Variants in NTN1 observed in about 807,000 individuals in gnomAD.
NTN1 encodes the protein netrin-1.
In NTN1, 11 loss-of-function variants were observed where a neutral mutation model predicts 54.2. The observed-to-expected ratio is 0.20, with a 90% CI of 0.13 to 0.34. The LOEUF is 0.34. Ranked by LOEUF, NTN1 falls within the 10% of genes least tolerant of loss-of-function variation. NTN1 has a pLI of 1.00. For missense variants in NTN1, 740 were observed against 893.1 expected, an observed-to-expected ratio of 0.83 and a Z score of 2.18; for synonymous variants, 371 against 382.0, an observed-to-expected ratio of 0.97 and a Z score of 0.33.
At chr17:9,144,147 C>T (rs2092306459) in intron 2 of NTN1, among the ~76,000 whole-genome samples, 1 of 152,090 alleles carries the variant, frequency 6.6e-6, no homozygotes, top group East Asian at 1.9e-4. Flanking sequence ...CCACCCATCT[C>T]GGCCTCCTAA....
intron 2 of NTN1, among the ~76,000 whole-genome samples, chr17:9,117,847 G>T (rs934471979): frequency 1.3e-5 from 2 of 151,962 alleles, no homozygotes; most frequent in Admixed American, 6.5e-5. Context: ...GGTGGGTGGA[G>T]GACAGATTCC....
intron 6 of NTN1, among the ~76,000 whole-genome samples, chr17:9,230,085 T>C (rs1905755232): frequency 6.6e-6 from 1 of 152,040 alleles, no homozygotes; most frequent in Non-Finnish European, 1.5e-5. Flanking sequence ...AGCAGCACCC[T>C]CTCTCCTTTT....
chr17:9,142,133 A>G (rs527432293), intron 2 of NTN1, among the ~76,000 whole-genome samples: 4 of 151,842 alleles, frequency 2.6e-5, no homozygotes, highest in East Asian at 3.9e-4. Flanking sequence ...TCTCAAAAAA[A>G]GTAAAATTAG....
At chr17:9,129,393 T>C (rs983801067) in intron 2 of NTN1, among the ~76,000 whole-genome samples, 2 of 151,980 alleles carry the variant, frequency 1.3e-5, no homozygotes, top group Non-Finnish European at 2.9e-5. Context: ...GAATTGTGAG[T>C]CTTCGTCTGG....
the NTN1 span, among the ~76,000 whole-genome samples, chr17:9,013,539 A>C: frequency 6.6e-6 from 1 of 151,900 alleles, no homozygotes; most frequent in African/African-American, 2.4e-5. Flanking sequence ...TATCATCTTC[A>C]CTGATAACCT....
At chr17:9,017,518 T>C (rs900294481), upstream of NTN1, among the ~76,000 whole-genome samples, 1 of 152,182 alleles carries the variant, frequency 6.6e-6, no homozygotes, top group Non-Finnish European at 1.5e-5. Context: ...CCCCTGGTTT[T>C]CCTCCTCCTC....
intron 5 of NTN1, among the ~76,000 whole-genome samples, chr17:9,214,273 T>G (rs1378028224): frequency 6.6e-6 from 1 of 152,246 alleles, no homozygotes; most frequent in Non-Finnish European, 1.5e-5. Flanking sequence ...TTGGGATTAA[T>G]TTAGCATTCT....
intron 2 of NTN1, among the ~76,000 whole-genome samples, chr17:9,079,630 C>T (rs1256198912): frequency 6.6e-6 from 1 of 152,070 alleles, no homozygotes; most frequent in Non-Finnish European, 1.5e-5. Flanking sequence ...AAGTGGTTCC[C>T]CAGCAGGCCT....
At chr17:9,123,313 A>G (rs890162782) in intron 2 of NTN1, among the ~76,000 whole-genome samples, 1 of 152,224 alleles carries the variant, frequency 6.6e-6, no homozygotes, top group East Asian at 1.9e-4. Context: ...TCACAAGTTT[A>G]TATTTTGTGA....
chr17:9,148,724 C>T (rs968033004), intron 2 of NTN1, among the ~76,000 whole-genome samples: 28 of 151,460 alleles, frequency 1.8e-4, no homozygotes, highest in Admixed American at 1.4e-3. Flanking sequence ...GGGGGTCCAG[C>T]GTGCAGATTG....
intron 2 of NTN1, among the ~76,000 whole-genome samples, chr17:9,121,047 G>A (rs1272697366): frequency 6.6e-6 from 1 of 152,154 alleles, no homozygotes; most frequent in South Asian, 2.1e-4. Context: ...GTGGGACCAG[G>A]ATGGAGGGCT....
chr17:9,085,232 A>G (rs8074523), intron 2 of NTN1, among the ~76,000 whole-genome samples: 112,551 of 152,122 alleles, frequency 0.74, 41,886 homozygotes, highest in East Asian at 0.95. Flanking sequence ...TCCAGAGCAG[A>G]ACCCAGCCCC....
chr17:9,073,647 C>T (rs542323967), intron 2 of NTN1, among the ~76,000 whole-genome samples: 31 of 152,336 alleles, frequency 2.0e-4, no homozygotes, highest in African/African-American at 6.7e-4. Context: ...AATGCTCAGC[C>T]TCTGCTTCCT....
chr17:9,092,319 C>CTTTTT (rs148786553), intron 2 of NTN1, among the ~76,000 whole-genome samples: 47 of 91,740 alleles, frequency 5.1e-4, no homozygotes, highest in African/African-American at 7.1e-4. Context: ...CTTTTCTTCT[C>CTTTTT]TTTTTTTTTT....
chr17:9,081,100 G>A (rs1232253460), intron 2 of NTN1, among the ~76,000 whole-genome samples: 1 of 152,162 alleles, frequency 6.6e-6, no homozygotes, highest in African/African-American at 2.4e-5. Context: ...AAGTGCTGGG[G>A]GCAGTCTTAT....
the NTN1 span, among the ~76,000 whole-genome samples, chr17:9,015,568 C>G: frequency 3.3e-5 from 5 of 152,090 alleles, no homozygotes; most frequent in African/African-American, 1.2e-4. Flanking sequence ...CTGGTGCCCC[C>G]GTTCCTGGAG....
chr17:9,232,934 T>G lies in NTN1; in HGVS notation c.1487-6706T>G, dbSNP rs111773771. Among the ~76,000 whole-genome samples, 294 of 152,066 alleles carry G rather than the reference T, an allele frequency of 1.9e-3. 9 individuals are homozygous for G. Among genetic ancestry groups the G allele is most frequent in the African/African-American group, 6.8e-3 (281 of 41,394 alleles). On this transcript the variant is annotated intron_variant, in intron 6 of 6. Coordinates refer to ENST00000173229, the MANE Select transcript of NTN1 (RefSeq NM_004822.3). ...GTGACACGCTTTCCACAGCGGGAGA[T>G]TTATGGGGCTGTGCGGCTTTCATGG...
rs1273319346 is a variant in NTN1 at position 9,242,307 on chromosome 17, C to T, written c.*2339C>T. 4 of 152,322 alleles carry T rather than the reference C, an allele frequency of 2.6e-5. No individual in the cohort carries two copies. Among genetic ancestry groups the T allele is most frequent in the Non-Finnish European group, 5.9e-5 (4 of 68,086 alleles). The allele number at this position is 152,322 out of a possible 1,614,324, so 9.4% of individuals were successfully genotyped here. ...CTGAATCCAGCCCAAGGCTAGAAGA[C>T]AGGGCCCCTCTCCAAGCTGTCAGCG... On this transcript the variant is annotated 3_prime_UTR_variant, in exon 7 of 7. Coordinates refer to ENST00000173229, the MANE Select transcript of NTN1 (RefSeq NM_004822.3).
intron 4 of NTN1, among the ~76,000 whole-genome samples, chr17:9,180,635 C>T (rs9909275): frequency 0.36 from 54,543 of 152,136 alleles, 10,207 homozygotes; most frequent in Middle Eastern, 0.5. Context: ...CGGCATTCCC[C>T]CTGCCCCTGG....
Sources: gnomAD v4.1 joint callset for allele counts (sites outside exome capture counted in the v4.1 genomes callset) on GRCh38, gnomAD v4.1.1 for gene constraint, MANE v1.5 for transcripts, NCBI Gene and HGNC (gene_info 2026-07-23, HGNC 2026-07-21) for gene names.